The following PTPRN2 variants were observed in gnomAD, a reference collection of about 807,000 sequenced individuals.
PTPRN2 encodes receptor-type tyrosine-protein phosphatase N2.
A neutral mutation model predicts 118.8 loss-of-function variants in PTPRN2; 74 were observed. That is an observed-to-expected ratio of 0.62 (90% confidence interval 0.52 to 0.76). The LOEUF is 0.76. Among genes scored for constraint, PTPRN2 ranks in the 30% least tolerant of loss-of-function variants. The pLI is 0.00. For missense variants in PTPRN2, 1,481 were observed against 1,394.4 expected (o/e 1.06, Z -0.99); for synonymous variants, 641 against 608.0 (o/e 1.05, Z -0.80).
chr7:158,202,432 G>A (rs971749922), intron 4 of PTPRN2, among the ~76,000 whole-genome samples: 4 of 152,124 alleles, frequency 2.6e-5, no homozygotes, highest in African/African-American at 9.7e-5. Flanking sequence ...GCATGAGAGG[G>A]AGTGATTGTC....
At chr7:157,553,971 C>T (rs1002820656) in intron 21 of PTPRN2, among the ~76,000 whole-genome samples, 7 of 134,158 alleles carry the variant, frequency 5.2e-5, no homozygotes, top group Admixed American at 1.5e-4. Context: ...ACGGCCAGGC[C>T]GGGCGCCGGA....
chr7:158,185,410 T>A (rs937949101), intron 5 of PTPRN2, among the ~76,000 whole-genome samples: 1 of 152,234 alleles, frequency 6.6e-6, no homozygotes, highest in African/African-American at 2.4e-5. Context: ...TCCTTACTGA[T>A]ACTTTATCTA....
At chr7:158,108,805 C>A (rs1815913136) in intron 10 of PTPRN2, among the ~76,000 whole-genome samples, 1 of 152,256 alleles carries the variant, frequency 6.6e-6, no homozygotes, top group African/African-American at 2.4e-5. Context: ...TGAGGCAGGG[C>A]CCATGTATCT....
chr7:157,907,341 G>A (rs1008885812), intron 11 of PTPRN2, among the ~76,000 whole-genome samples: 1 of 151,472 alleles, frequency 6.6e-6, no homozygotes, highest in Non-Finnish European at 1.5e-5. Context: ...TGTCCCGGGC[G>A]GTGGTGTCTC....
At chr7:157,717,407 T>A (rs981669594) in intron 12 of PTPRN2, among the ~76,000 whole-genome samples, 1 of 152,226 alleles carries the variant, frequency 6.6e-6, no homozygotes, top group African/African-American at 2.4e-5. Context: ...GGGACATGCA[T>A]CGCCACAAGG....
intron 12 of PTPRN2, among the ~76,000 whole-genome samples, chr7:157,771,804 AAC>A (rs1355719564): frequency 7.3e-6 from 1 of 136,836 alleles, no homozygotes; most frequent in South Asian, 2.3e-4. Context: ...CACAGACACA[AAC>A]ACACAGACAC....
intron 3 of PTPRN2, among the ~76,000 whole-genome samples, chr7:158,278,362 A>G (rs1586103695): frequency 7.0e-6 from 1 of 142,868 alleles, no homozygotes; most frequent in African/African-American, 2.5e-5. Flanking sequence ...AAAAAAAAAA[A>G]TTCAGCTGGA....
intron 12 of PTPRN2, among the ~76,000 whole-genome samples, chr7:157,730,185 CCTG>C (rs1799813990): frequency 2.0e-5 from 2 of 101,208 alleles, no homozygotes; most frequent in Admixed American, 2.5e-4. Flanking sequence ...GGCCACCACC[CCTG>C]CCCCCCCCCG....
At chr7:158,451,515 C>T (rs1020578814) in intron 2 of PTPRN2, among the ~76,000 whole-genome samples, 3 of 152,146 alleles carry the variant, frequency 2.0e-5, no homozygotes, top group Non-Finnish European at 2.9e-5. Context: ...TTGGTGTCTC[C>T]GAAAGAAATT....
intron 11 of PTPRN2, among the ~76,000 whole-genome samples, chr7:157,918,009 C>T (rs2128767394): frequency 6.6e-6 from 1 of 152,302 alleles, no homozygotes; most frequent in South Asian, 2.1e-4. Flanking sequence ...CCCATCTACA[C>T]ATTTTCTGAG....
At chr7:158,530,543 G>C (rs896782561) in intron 1 of PTPRN2, among the ~76,000 whole-genome samples, 2 of 149,616 alleles carry the variant, frequency 1.3e-5, no homozygotes, top group Admixed American at 1.3e-4. Context: ...AGAGCAAGGC[G>C]GGGGGGGTTC....
At chr7:158,453,773 T>C (rs1818255259) in intron 2 of PTPRN2, among the ~76,000 whole-genome samples, 1 of 152,262 alleles carries the variant, frequency 6.6e-6, no homozygotes, top group South Asian at 2.1e-4. Flanking sequence ...CTGACATTTG[T>C]TGTGCACTGA....
intron 11 of PTPRN2, among the ~76,000 whole-genome samples, chr7:157,954,744 G>T (rs4716513): frequency 6.6e-6 from 1 of 152,076 alleles, no homozygotes; most frequent in South Asian, 2.1e-4. Context: ...GGGTGGAAGT[G>T]GGGGTGGCCT....
chr7:157,795,621 G>A lies in PTPRN2; in HGVS notation c.1788+103052C>T, dbSNP rs1382858487. ...TGAGGTTGACCTCATGTTTATTCAG[G>A]GAACTTGATTCATTTTCAAGCTATT... On this transcript the variant is annotated intron_variant, in intron 12 of 22. Transcript: ENST00000389418. Among the ~76,000 whole-genome samples, 3 of 152,242 alleles carry A rather than the reference G, an allele frequency of 2.0e-5. No homozygotes were observed. In the South Asian group the frequency reaches 6.2e-4, roughly 32 times the overall value.
chr7:158,136,669 TATC>T lies in PTPRN2; in HGVS notation c.1156_1158del (p.Asp386del). On this transcript the variant is annotated inframe_deletion, in exon 8 of 23. Coordinates refer to ENST00000389418, the MANE Select transcript of PTPRN2 (RefSeq NM_002847.5). Reference sequence around the variant, plus strand: ...CGTCATCTTACCTCTTGGTAAAGTCTATCATCGTCGTCCTGCACTCCGTCATCT... The same window carrying T: ...CGTCATCTTACCTCTTGGTAAAGTCTATCGTCGTCCTGCACTCCGTCATCT... 1 of 1,613,866 alleles carries T rather than the reference TATC, an allele frequency of 6.2e-7. No individual in the cohort carries two copies. Among genetic ancestry groups the T allele is most frequent in the Non-Finnish European group, 8.5e-7 (1 of 1,179,758 alleles).
chr7:158,154,410 T>A (rs1405130428), intron 6 of PTPRN2, among the ~76,000 whole-genome samples: 1 of 152,258 alleles, frequency 6.6e-6, no homozygotes, highest in Admixed American at 6.5e-5. Flanking sequence ...CAGTATTTGT[T>A]GACAGGAAGT....
In PTPRN2 at chr7:158,066,674, G is replaced by C. The variant is rs115403387; in HGVS notation, c.1723+14624C>G. 9.6e-3 allele frequency among the ~76,000 whole-genome samples: 1,460 copies of C among 152,250 alleles called. 18 individuals carry two copies. The highest frequency in any genetic ancestry group is 0.033 in the African/African-American group (1,350 of 41,526). ...ACACACCTGACACCTGAGTTGTGGT[G>C]ACTCTCACCTGGTGAAGTCCCTTAC... On this transcript the variant is annotated intron_variant, in intron 11 of 22. Coordinates refer to ENST00000389418, the MANE Select transcript of PTPRN2 (RefSeq NM_002847.5).
In PTPRN2 at chr7:158,239,387, C is replaced by T. The variant is rs377357102; in HGVS notation, c.278-34114G>A. On this transcript the variant is annotated intron_variant, in intron 3 of 22. Coordinates refer to ENST00000389418, the MANE Select transcript of PTPRN2 (RefSeq NM_002847.5). The stretch of plus-strand genomic sequence containing the variant: ...CGGAGCTGGTATCCCGGAGCTTGTT[C>T]TTTCCTGGGGCGCTTTGTTTCAGTC... Among the ~76,000 whole-genome samples the T allele has an allele frequency of 5.9e-5, 9 of 152,310 alleles. No homozygotes were observed. The South Asian group carries it at 1.9e-3, about 32-fold the overall frequency.
intron 3 of PTPRN2, among the ~76,000 whole-genome samples, chr7:158,286,234 G>A (rs1438402039): frequency 6.6e-6 from 1 of 152,094 alleles, no homozygotes; most frequent in Non-Finnish European, 1.5e-5. Flanking sequence ...GAATTTATTA[G>A]CTCTAACAGT....
Sources: allele counts gnomAD v4.1 joint callset (sites outside exome capture counted in the v4.1 genomes callset), GRCh38; gene constraint gnomAD v4.1.1; transcripts MANE v1.5; gene names NCBI Gene and HGNC (gene_info 2026-07-23, HGNC 2026-07-21).